The following POLA1 variants were observed in gnomAD, a reference collection of about 807,000 sequenced individuals.
POLA1 encodes the protein DNA polymerase alpha catalytic subunit.
In POLA1, 15 loss-of-function variants were observed where a neutral mutation model predicts 124.0. That is an observed-to-expected ratio of 0.12 (90% confidence interval 0.08 to 0.19). The LOEUF (loss-of-function observed/expected upper bound fraction) is 0.19. Among genes scored for constraint, POLA1 ranks in the 10% least tolerant of loss-of-function variants. POLA1 has a pLI of 1.00. For synonymous variants in POLA1, 408 were observed against 389.4 expected (o/e 1.05, Z -0.56); for missense variants, 886 against 1,103.4 (o/e 0.80, Z 2.79).
At chrX:24,995,385 G>A (rs751985924) in intron 36 of POLA1, among the ~76,000 whole-genome samples, 1 of 112,231 alleles carries the variant, frequency 8.9e-6, no homozygotes, top group African/African-American at 3.2e-5. Context: ...TGGGGAGTTG[G>A]GGCTGGAAGG....
At chrX:24,735,623 G>T in intron 18 of POLA1, 135 bp downstream of exon 18, 1 of 390,644 alleles carries the variant, frequency 2.6e-6, no homozygotes, top group Non-Finnish European at 4.4e-6. Context: ...GGGAATTGCT[G>T]CTAATAGGAG....
chrX:24,831,490 G>A (rs1296776793), intron 32 of POLA1, among the ~76,000 whole-genome samples: 1 of 110,002 alleles, frequency 9.1e-6, no homozygotes, highest in Admixed American at 9.6e-5. Context: ...GCGCTATCTC[G>A]GCTCACTGCA....
chrX:24,953,401 A>T (rs1272050673), intron 36 of POLA1, among the ~76,000 whole-genome samples: 3 of 112,135 alleles, frequency 2.7e-5, no homozygotes, highest in Non-Finnish European at 5.6e-5. Flanking sequence ...AGATCATTTC[A>T]GATAGTAACA....
intron 4 of POLA1, among the ~76,000 whole-genome samples, chrX:24,711,806 C>T (rs1929464926): frequency 8.9e-6 from 1 of 111,950 alleles, no homozygotes; most frequent in Non-Finnish European, 1.9e-5. Flanking sequence ...CCATGTTGGC[C>T]AGGCTGGTCT....
chrX:24,799,877 A>G (rs911483326), intron 26 of POLA1, among the ~76,000 whole-genome samples: 1 of 111,992 alleles, frequency 8.9e-6, no homozygotes, highest in Non-Finnish European at 1.9e-5. Flanking sequence ...GGCCTGGTGC[A>G]TGCTTGATCC....
intron 32 of POLA1, among the ~76,000 whole-genome samples, chrX:24,836,734 C>T (rs1366847706): frequency 9.0e-6 from 1 of 111,154 alleles, no homozygotes; most frequent in African/African-American, 3.3e-5. Context: ...GTTCTAATTA[C>T]GAGTCTTTTG....
intron 4 of POLA1, among the ~76,000 whole-genome samples, chrX:24,709,493 C>T (rs1053989240): frequency 9.1e-6 from 1 of 109,723 alleles, no homozygotes; most frequent in Admixed American, 9.4e-5. Context: ...GGGGCTGACC[C>T]CCCCCACCTC....
At chrX:24,826,645 G>A (rs755586057) in intron 32 of POLA1, 44 bp downstream of exon 32, 25 of 890,762 alleles carry the variant, frequency 2.8e-5, no homozygotes, top group Non-Finnish European at 3.4e-5. Flanking sequence ...GGTAACAGGG[G>A]CACATGTAGT....
intron 2 of POLA1, among the ~76,000 whole-genome samples, chrX:24,701,961 C>G (rs1928465553): frequency 9.4e-6 from 1 of 106,258 alleles, no homozygotes. Flanking sequence ...ACCACGTTGG[C>G]CAGGCTGGTC....
intron 36 of POLA1, among the ~76,000 whole-genome samples, chrX:24,932,767 A>G (rs1425042225): frequency 8.9e-6 from 1 of 111,963 alleles, no homozygotes; most frequent in Admixed American, 9.5e-5. Context: ...AATTTTACCA[A>G]TTGAAACTCT....
chrX:24,849,958 A>G (rs1290300667), intron 34 of POLA1, among the ~76,000 whole-genome samples: 1 of 111,005 alleles, frequency 9.0e-6, no homozygotes, highest in Non-Finnish European at 1.9e-5. Context: ...AGTTTTGTAT[A>G]GACAGGGTCT....
chrX:24,887,892 G>T (rs1272024526), intron 34 of POLA1, 114 bp from the exon 35 acceptor site: 5 of 494,490 alleles, frequency 1.0e-5, no homozygotes, highest in Middle Eastern at 3.5e-4. Flanking sequence ...CTAGAGTTAT[G>T]TCAGAATTTC....
At chrX:24,893,471 A>T (rs1342219438) in intron 35 of POLA1, among the ~76,000 whole-genome samples, 1 of 112,071 alleles carries the variant, frequency 8.9e-6, no homozygotes, top group African/African-American at 3.2e-5. Flanking sequence ...GGCATTTAGT[A>T]CATTCACAAT....
intron 26 of POLA1, among the ~76,000 whole-genome samples, chrX:24,791,857 G>A (rs1300126422): frequency 1.8e-5 from 2 of 112,097 alleles, no homozygotes; most frequent in Non-Finnish European, 3.8e-5. Flanking sequence ...TGTCCAAAAA[G>A]ATGATTTAGC....
At chrX:24,743,177 A>T in intron 22 of POLA1, 53 bp from the exon 23 acceptor site, 2 of 627,818 alleles carry the variant, frequency 3.2e-6, no homozygotes, top group Admixed American at 3.1e-5. Context: ...TCAAAATTTT[A>T]AATTAGTTAA....
intron 34 of POLA1, among the ~76,000 whole-genome samples, chrX:24,883,178 C>G (rs1481171055): frequency 8.9e-6 from 1 of 112,019 alleles, no homozygotes; most frequent in Non-Finnish European, 1.9e-5. Context: ...CCTTTGCTCA[C>G]TTTTTAATGG....
At chrX:24,748,770 G>A (rs759529232) in intron 25 of POLA1, 100 bp from the exon 26 acceptor site, 1 of 865,237 alleles carries the variant, frequency 1.2e-6, no homozygotes, top group South Asian at 2.3e-5. Flanking sequence ...CAGGGATATT[G>A]AGGGTTTCCC....
rs748310132 is a variant in POLA1, at chrX:24,706,814, C to T, written c.346+2345C>T. 7.1e-5 allele frequency among the ~76,000 whole-genome samples: 8 copies of T among 111,965 alleles called. No homozygotes were observed. The East Asian group carries it at 1.9e-3, about 27-fold the overall frequency. On this transcript the variant is annotated intron_variant, in intron 4 of 36. Transcript: ENST00000379068. ...TTTTTGTGTGTTTTGTATTGATTTA[C>T]TATGTAGGTTCATTTTTTGTTTGTA...
At chrX:24,832,148 TAGAG>T (rs61279220) in intron 32 of POLA1, among the ~76,000 whole-genome samples, 48,780 of 110,192 alleles carry the variant, frequency 0.44, 8,719 homozygotes, top group East Asian at 0.65. Context: ...TTTATAAAAG[TAGAG>T]GCATTTTGAG....
Sources: allele counts gnomAD v4.1 joint callset (sites outside exome capture counted in the v4.1 genomes callset), GRCh38; gene constraint gnomAD v4.1.1; transcripts MANE v1.5; gene names NCBI Gene and HGNC (gene_info 2026-07-23, HGNC 2026-07-21).